Variants in NUMB observed in about 807,000 individuals in gnomAD.
NUMB encodes protein numb homolog.
A neutral mutation model predicts 59.7 loss-of-function variants in NUMB; 29 were observed. That is an observed-to-expected ratio of 0.49 (90% confidence interval 0.36 to 0.66). The LOEUF is 0.66. NUMB is among the 30% of genes least tolerant of loss of function. NUMB has a pLI of 0.00. For synonymous variants in NUMB, 288 were observed against 288.2 expected (o/e 1.00, Z 0.01); for missense variants, 723 against 822.0 (o/e 0.88, Z 1.47).
rs116246493 is a variant in NUMB at position 73,393,144 on chromosome 14, A to C, written c.-101+16793T>G. 6.0e-3 allele frequency among the ~76,000 whole-genome samples: 915 copies of C among 152,346 alleles called. 17 individuals are homozygous for C. The highest frequency in any genetic ancestry group is 0.021 in the African/African-American group (879 of 41,576). On this transcript the variant is annotated intron_variant, in intron 2 of 12. Coordinates refer to ENST00000555238, the MANE Select transcript of NUMB (RefSeq NM_001005743.2). ...TAAATTACTAAGTGTCTATGTGAACAGTGCTGTGCACATTATATATCACAT... is the reference window on the plus strand; with the variant it reads ...TAAATTACTAAGTGTCTATGTGAACCGTGCTGTGCACATTATATATCACAT...
chr14:73,278,233 CT>C (rs1888335557), intron 12 of NUMB, among the ~76,000 whole-genome samples: 3 of 151,900 alleles, frequency 2.0e-5, no homozygotes, highest in Admixed American at 2.0e-4. Flanking sequence ...ATGTTAAAAC[CT>C]TTTGAGGCCG....
intron 2 of NUMB, among the ~76,000 whole-genome samples, chr14:73,399,978 G>A (rs1171432191): frequency 1.3e-5 from 2 of 151,732 alleles, no homozygotes; most frequent in Non-Finnish European, 2.9e-5. Flanking sequence ...GATGGAGGTT[G>A]CAGTGAGCTG....
intron 4 of NUMB, among the ~76,000 whole-genome samples, chr14:73,344,508 C>G (rs924895067): frequency 3.9e-5 from 6 of 152,184 alleles, no homozygotes; most frequent in Non-Finnish European, 8.8e-5. Context: ...CTTAATAGAG[C>G]AAAATGTTGG....
chr14:73,382,900 C>T (rs1282445843), intron 2 of NUMB, among the ~76,000 whole-genome samples: 2 of 152,294 alleles, frequency 1.3e-5, no homozygotes, highest in Admixed American at 1.3e-4. Flanking sequence ...AATCCCAGCA[C>T]TTTGGGAGGC....
chr14:73,304,675 G>A (rs369077877), intron 6 of NUMB, among the ~76,000 whole-genome samples: 1 of 152,126 alleles, frequency 6.6e-6, no homozygotes, highest in Admixed American at 6.5e-5. Flanking sequence ...CATGGTAGGT[G>A]GAAAGATTCT....
chr14:73,452,705 G>C (rs1257014694), intron 1 of NUMB, among the ~76,000 whole-genome samples: 1 of 152,138 alleles, frequency 6.6e-6, no homozygotes, highest in Non-Finnish European at 1.5e-5. Flanking sequence ...GGAAAGGTTG[G>C]TCTAGTTAAG....
At chr14:73,371,434 C>G (rs569159934) in intron 2 of NUMB, among the ~76,000 whole-genome samples, 1 of 151,944 alleles carries the variant, frequency 6.6e-6, no homozygotes, top group African/African-American at 2.4e-5. Flanking sequence ...ACTCAGGAGG[C>G]TGAGGCAGAG....
intron 2 of NUMB, among the ~76,000 whole-genome samples, chr14:73,375,155 A>G (rs1231516928): frequency 6.6e-6 from 1 of 152,190 alleles, no homozygotes; most frequent in Non-Finnish European, 1.5e-5. Context: ...ACAATCAACA[A>G]AAGACTAAGA....
At chr14:73,406,206 T>C (rs1324166567) in intron 2 of NUMB, among the ~76,000 whole-genome samples, 1 of 151,674 alleles carries the variant, frequency 6.6e-6, no homozygotes, top group Non-Finnish European at 1.5e-5. Context: ...TAACTCATCA[T>C]TTACATTAGG....
chr14:73,313,668 G>GAAAAAAAAAAAAAAAAAAAAAAA (rs10582204), intron 6 of NUMB, among the ~76,000 whole-genome samples: 2 of 124,120 alleles, frequency 1.6e-5, no homozygotes, highest in East Asian at 2.3e-4. Context: ...TCCAAAATCT[G>GAAAAAAAAAAAAAAAAAAAAAAA]AAAAAAAAAA....
At chr14:73,346,207 C>T (rs1442264935) in intron 4 of NUMB, among the ~76,000 whole-genome samples, 2 of 151,950 alleles carry the variant, frequency 1.3e-5, no homozygotes, top group African/African-American at 2.4e-5. Context: ...AGGCTGGGTG[C>T]GGTGGCTCAT....
At chr14:73,337,722 T>C (rs10140144) in intron 4 of NUMB, among the ~76,000 whole-genome samples, 13,140 of 152,238 alleles carry the variant, frequency 0.086, 1,211 homozygotes, top group African/African-American at 0.22. Context: ...GACTATATTA[T>C]TGTGTTAGTA....
At chr14:73,370,835 T>C (rs1894637750) in intron 2 of NUMB, among the ~76,000 whole-genome samples, 1 of 152,252 alleles carries the variant, frequency 6.6e-6, no homozygotes, top group Non-Finnish European at 1.5e-5. Flanking sequence ...TGAAGTCAAA[T>C]TGGATTACAA....
rs17182272 is a variant in NUMB at position 73,279,362 on chromosome 14, C to T, written c.1159G>A (p.Val387Ile). The change falls in exon 12 of 13, where the codon GTA becomes ATA. Residue 387 changes from valine (V) to isoleucine (I), a missense_variant. This residue lies in a region of NUMB where 406 missense variants were observed against 385.4 expected (regional missense o/e 1.05). Transcript: ENST00000555238. The stretch of plus-strand genomic sequence containing the variant: ...TTGGTTTCACGCACAGGCATTGCTA[C>T]GGGTGCTAGAGCAGTATGGGCTGGC... ...AKPAHTALAP[V>I]AMPVRETNPW... The T allele has an allele frequency of 3.4e-3, 5,419 of 1,612,648 alleles. 24 individuals are homozygous for T. Among genetic ancestry groups the T allele is most frequent in the Non-Finnish European group, 4.3e-3 (5,021 of 1,179,248 alleles).
intron 4 of NUMB, among the ~76,000 whole-genome samples, chr14:73,339,576 G>A (rs1348460005): frequency 6.6e-6 from 1 of 152,104 alleles, no homozygotes; most frequent in African/African-American, 2.4e-5. Flanking sequence ...GTTTTAAATA[G>A]ACATGGGGTT....
chr14:73,415,963 C>G (rs1166985510), intron 1 of NUMB, among the ~76,000 whole-genome samples: 2 of 152,162 alleles, frequency 1.3e-5, no homozygotes, highest in African/African-American at 2.4e-5. Flanking sequence ...TTTCTATAAA[C>G]AATTGGAAAT....
chr14:73,431,773 C>A (rs777500572), intron 1 of NUMB, among the ~76,000 whole-genome samples: 8 of 151,882 alleles, frequency 5.3e-5, no homozygotes, highest in Admixed American at 3.9e-4. Flanking sequence ...AAGAAAATTT[C>A]ATCAATTTCA....
At chr14:73,336,074 C>T (rs780925413) in intron 4 of NUMB, among the ~76,000 whole-genome samples, 7 of 152,092 alleles carry the variant, frequency 4.6e-5, no homozygotes, top group East Asian at 1.9e-4. Flanking sequence ...ACTTTTCAAA[C>T]GTGACATAAG....
At position 73,287,242 on chromosome 14, in the gene NUMB, C is replaced by G; in HGVS notation, c.523G>C (p.Glu175Gln). ...TCAAAAGTAGCAGTCACTCCACATT[C>G]CTTCTCCCGCTTCTGCTTGCGCTCT... Reference protein sequence around the residue: ...CLERKQKREKECGVTATFDAS... With the variant: ...CLERKQKREKQCGVTATFDAS... The change falls in exon 9 of 13, where the codon GAA becomes CAA. Residue 175 changes from glutamate to glutamine, a missense_variant. Around this residue, in one of 2 missense-constraint regions of NUMB, gnomAD observed 317 missense variants for 436.6 expected, o/e 0.73. Transcript: ENST00000555238. 3.7e-6 allele frequency: 6 copies of G among 1,613,770 alleles called. No homozygotes were observed. The highest frequency in any genetic ancestry group is 5.1e-6 in the Non-Finnish European group (6 of 1,179,972).
Sources: gnomAD v4.1 joint callset for allele counts (sites outside exome capture counted in the v4.1 genomes callset) on GRCh38, gnomAD v4.1.1 for gene constraint, gnomAD v4.1.1 regional missense constraint, MANE v1.5 for transcripts, NCBI Gene and HGNC (gene_info 2026-07-23, HGNC 2026-07-21) for gene names.